The following ERC1 variants were observed in gnomAD, a reference collection of about 807,000 sequenced individuals.
ERC1 encodes the protein ELKS/RAB6-interacting/CAST family member 1.
Under a neutral mutation model 132.0 loss-of-function variants are expected in ERC1, and 56 were observed. The ratio of observed to expected loss-of-function variants is 0.42; its 90% confidence interval spans 0.34 to 0.53. The LOEUF (loss-of-function observed/expected upper bound fraction) is 0.53. ERC1 is among the 20% of genes least tolerant of loss of function. The probability of loss-of-function intolerance (pLI) is 0.03; values close to 1 mark genes in which losing one functional copy is unlikely to be tolerated. For synonymous variants in ERC1, 478 were observed against 476.1 expected (o/e 1.00, Z -0.05); for missense variants, 1,202 against 1,349.9 (o/e 0.89, Z 1.72).
chr12:1,277,414 C>T (rs928123444), intron 14 of ERC1, among the ~76,000 whole-genome samples: 2 of 152,160 alleles, frequency 1.3e-5, no homozygotes, highest in African/African-American at 4.8e-5. Context: ...TCAAGATTTG[C>T]CTCATCTTTC....
chr12:1,338,630 A>G (rs921207677), intron 15 of ERC1, among the ~76,000 whole-genome samples: 2 of 152,150 alleles, frequency 1.3e-5, no homozygotes, highest in Non-Finnish European at 2.9e-5. Context: ...TGAGTTGTCA[A>G]GAGTTCTTGG....
At chr12:1,196,685 G>T (rs1445322860) in intron 12 of ERC1, among the ~76,000 whole-genome samples, 2 of 151,230 alleles carry the variant, frequency 1.3e-5, no homozygotes, top group African/African-American at 4.9e-5. Flanking sequence ...TGTAGGGCTG[G>T]TGCCTCACTA....
chr12:1,483,668 CTTTTTTTTTTTTTTTTTTTTTTTTT>C, intron 18 of ERC1, among the ~76,000 whole-genome samples: 1 of 55,220 alleles, frequency 1.8e-5, no homozygotes, highest in Non-Finnish European at 3.6e-5. Context: ...CCACTGAGAG[CTTTTTTTTTTTTTTTTTTTTTTTTT>C]TTTTTTTTTT....
intron 15 of ERC1, among the ~76,000 whole-genome samples, chr12:1,298,500 G>A (rs950677861): frequency 4.8e-4 from 69 of 144,208 alleles, no homozygotes; most frequent in South Asian, 2.2e-4. Context: ...CCAAGATGGC[G>A]CCACTGCACT....
chr12:1,379,049 T>C (rs917221367), intron 16 of ERC1, among the ~76,000 whole-genome samples: 1 of 152,268 alleles, frequency 6.6e-6, no homozygotes, highest in Non-Finnish European at 1.5e-5. Flanking sequence ...AGTTTGTTGC[T>C]GTAATACACA....
At position 1,150,949 on chromosome 12, in the gene ERC1, A is replaced by G. The variant is rs75010229; in HGVS notation, c.1737+9162A>G. On this transcript the variant is annotated intron_variant, in intron 8 of 18. Transcript: ENST00000360905. The stretch of plus-strand genomic sequence containing the variant: ...GAATAAAGCACGGACTCTTGTTAAG[A>G]ATAATGTATCCGTGTTGATTAATTA... 8.7e-3 allele frequency among the ~76,000 whole-genome samples: 1,331 copies of G among 152,316 alleles called. 15 individuals carry two copies. The highest frequency in any genetic ancestry group is 0.03 in the African/African-American group (1,242 of 41,554).
chr12:1,291,086 C>T (rs1420635502), intron 15 of ERC1, among the ~76,000 whole-genome samples: 1 of 152,184 alleles, frequency 6.6e-6, no homozygotes, highest in Non-Finnish European at 1.5e-5. Flanking sequence ...TAGAGCTGTA[C>T]AGAATCTTGC....
chr12:1,192,432 G>T (rs1219756724), intron 12 of ERC1, among the ~76,000 whole-genome samples: 2 of 152,166 alleles, frequency 1.3e-5, no homozygotes, highest in Non-Finnish European at 1.5e-5. Context: ...CTAATCATTT[G>T]CTTCCTATGT....
chr12:1,393,395 C>T (rs550584055), intron 16 of ERC1, among the ~76,000 whole-genome samples: 6 of 152,066 alleles, frequency 3.9e-5, no homozygotes, highest in East Asian at 1.9e-4. Flanking sequence ...ATTAGCTGGG[C>T]GTGGTGGTGC....
At position 1,183,441 on chromosome 12, in the gene ERC1, A is replaced by AT. The variant is rs1203895518; in HGVS notation, c.2157+27dup. 5 of 1,544,326 alleles carry AT rather than the reference A, an allele frequency of 3.2e-6. No individual in the cohort carries two copies. Among genetic ancestry groups the AT allele is most frequent in the East Asian group, 2.3e-5 (1 of 43,782 alleles). On this transcript the variant is annotated intron_variant, in intron 11 of 18. Transcript: ENST00000360905. The stretch of plus-strand genomic sequence containing the variant: ...AAAAAGGTTAAAGAAAAAATTTCAC[A>AT]TTTTTTTGCTTTGCCTTAAATAAGA...
intron 18 of ERC1, among the ~76,000 whole-genome samples, chr12:1,484,070 C>A (rs576199609): frequency 1.6e-5 from 1 of 61,418 alleles, no homozygotes; most frequent in Non-Finnish European, 3.3e-5. Flanking sequence ...CTTTGGGAGG[C>A]TGAGGCGGGC....
At chr12:1,429,334 A>G (rs1591998548) in intron 17 of ERC1, among the ~76,000 whole-genome samples, 1 of 152,232 alleles carries the variant, frequency 6.6e-6, no homozygotes, top group Admixed American at 6.5e-5. Context: ...TTGTTGGGTC[A>G]CTATTTAAAA....
intron 11 of ERC1, among the ~76,000 whole-genome samples, chr12:1,185,256 G>T (rs911622313): frequency 6.6e-6 from 1 of 151,870 alleles, no homozygotes; most frequent in Admixed American, 6.6e-5. Context: ...GCCTAGGCTG[G>T]TCTCAAACCC....
intron 6 of ERC1, chr12:1,115,601 C>G: frequency 3.0e-6 from 1 of 331,280 alleles, no homozygotes; most frequent in Non-Finnish European, 5.6e-6. Context: ...CCTCCATTCC[C>G]TTTCTAAGAG....
At chr12:1,099,309 A>T (rs920628815) in intron 3 of ERC1, among the ~76,000 whole-genome samples, 2 of 151,856 alleles carry the variant, frequency 1.3e-5, no homozygotes, top group African/African-American at 4.9e-5. Flanking sequence ...GAGTTCACAG[A>T]GACTCTGCAG....
rs746487931 is a variant in ERC1, at chr12:1,115,979, G to A, written c.1515G>A (p.Val505=). Residue 505 remains valine, a synonymous_variant, in exon 7 of 19, where the codon GTG becomes GTA. Coordinates refer to ENST00000360905, the MANE Select transcript of ERC1 (RefSeq NM_178040.4). ...CAGATAGTAAACAGCACATTGAAGT[G>A]TTGAAGGAGTCCTTGACTGCTAAGG... ...QFSDSKQHIE[V]LKESLTAKEQ... is the part of the protein sequence containing the mutation. 4 of 1,614,146 alleles carry A rather than the reference G, an allele frequency of 2.5e-6. No individual in the cohort carries two copies. The highest frequency in any genetic ancestry group is 3.4e-6 in the Non-Finnish European group (4 of 1,179,998).
chr12:1,405,944 A>T (rs2091459913), intron 16 of ERC1, among the ~76,000 whole-genome samples: 1 of 152,204 alleles, frequency 6.6e-6, no homozygotes, highest in Non-Finnish European at 1.5e-5. Flanking sequence ...ATATATACAT[A>T]TGTATATATA....
At chr12:1,222,119 A>C (rs1169107100) in intron 12 of ERC1, among the ~76,000 whole-genome samples, 1 of 152,172 alleles carries the variant, frequency 6.6e-6, no homozygotes, top group East Asian at 1.9e-4. Context: ...ATCAGTAACA[A>C]TCCAGTATTA....
intron 2 of ERC1, among the ~76,000 whole-genome samples, chr12:1,074,053 C>G (rs1593124787): frequency 2.0e-5 from 3 of 151,910 alleles, no homozygotes; most frequent in Non-Finnish European, 4.4e-5. Context: ...TTAGTAGAGA[C>G]GGCTTTCACC....
Sources: allele counts gnomAD v4.1 joint callset (sites outside exome capture counted in the v4.1 genomes callset), GRCh38; gene constraint gnomAD v4.1.1; transcripts MANE v1.5; gene names NCBI Gene and HGNC (gene_info 2026-07-23, HGNC 2026-07-21).